NCAPD3: variants seen among roughly 807,000 people sequenced by gnomAD.
NCAPD3 encodes the protein non-SMC condensin II complex subunit D3, also known as condensin-2 complex subunit D3.
Under a neutral mutation model 182.9 loss-of-function variants are expected in NCAPD3, and 105 were observed. The ratio of observed to expected loss-of-function variants is 0.57; its 90% CI spans 0.49 to 0.68. The LOEUF is 0.68. NCAPD3 is among the 30% of genes least tolerant of loss of function. NCAPD3 has a pLI of 0.00. For synonymous variants in NCAPD3, 815 were observed against 679.9 expected (o/e 1.20, Z -3.09); for missense variants, 1,944 against 1,837.0 (o/e 1.06, Z -1.07).
At chr11:134,191,916 GTGAGCCTGCATTCTCAC>G (rs1254944082) in intron 16 of NCAPD3, among the ~76,000 whole-genome samples, 2 of 152,350 alleles carry the variant, frequency 1.3e-5, no homozygotes, top group African/African-American at 4.8e-5. Flanking sequence ...ACTGTATGCT[GTGAGCCTGCATTCTCAC>G]TGTGACCCGT....
At chr11:134,162,250 C>T (rs1437932895) in intron 27 of NCAPD3, among the ~76,000 whole-genome samples, 1 of 152,226 alleles carries the variant, frequency 6.6e-6, no homozygotes, top group African/African-American at 2.4e-5. Context: ...ATTCAACACC[C>T]TCCCCTTGGA....
intron 31 of NCAPD3, among the ~76,000 whole-genome samples, 158 bp downstream of exon 31, chr11:134,157,770 T>A (rs1416643239): frequency 1.3e-5 from 2 of 152,200 alleles, no homozygotes; most frequent in African/African-American, 4.8e-5. Context: ...CTAGAATAAA[T>A]ATGCATTGTT....
chr11:134,201,032 T>C (rs1229235656), intron 13 of NCAPD3, among the ~76,000 whole-genome samples: 1 of 151,624 alleles, frequency 6.6e-6, no homozygotes, highest in African/African-American at 2.4e-5. Flanking sequence ...GGCAATTTTT[T>C]TTTTTTTTTT....
At chr11:134,165,506 AC>A (rs1943750771) in intron 27 of NCAPD3, among the ~76,000 whole-genome samples, 1 of 129,458 alleles carries the variant, frequency 7.7e-6, no homozygotes, top group Non-Finnish European at 1.6e-5. Flanking sequence ...AGATGAGCTT[AC>A]GGGAGCAGCA....
chr11:134,158,534 T>C, intron 29 of NCAPD3, 39 bp from the exon 30 acceptor site: 1 of 1,586,700 alleles, frequency 6.3e-7, no homozygotes, highest in Admixed American at 1.7e-5. Flanking sequence ...TTCTAATACT[T>C]TTTAAGTTTT....
chr11:134,164,601 G>C (rs1943703347), intron 27 of NCAPD3, among the ~76,000 whole-genome samples: 1 of 151,984 alleles, frequency 6.6e-6, no homozygotes, highest in African/African-American at 2.4e-5. Flanking sequence ...ATGAGCTTAG[G>C]GGAGCTGCAC....
chr11:134,167,579 G>A (rs187965047), intron 27 of NCAPD3, among the ~76,000 whole-genome samples: 15 of 135,418 alleles, frequency 1.1e-4, no homozygotes, highest in Admixed American at 3.7e-4. Context: ...CTAGTGAGAT[G>A]AGCTTGGGGG....
intron 3 of NCAPD3, 73 bp from the exon 4 acceptor site, chr11:134,210,527 A>C: frequency 3.7e-6 from 5 of 1,354,302 alleles, no homozygotes; most frequent in Non-Finnish European, 5.1e-6. Flanking sequence ...ATCAGATGAA[A>C]AGTTACAAAG....
At chr11:134,219,014 C>T (rs1272444556) in intron 2 of NCAPD3, among the ~76,000 whole-genome samples, 1 of 152,214 alleles carries the variant, frequency 6.6e-6, no homozygotes, top group East Asian at 1.9e-4. Context: ...AAACCTCATA[C>T]ACACTCTACC....
At chr11:134,185,265 T>C in intron 17 of NCAPD3, 70 bp downstream of exon 17, 1 of 1,377,376 alleles carries the variant, frequency 7.3e-7, no homozygotes. Context: ...AAAAGCTCAC[T>C]TCCTTAAGTC....
At chr11:134,168,765 C>A (rs530375332) in intron 25 of NCAPD3, 152 bp downstream of exon 25, 2 of 1,348,472 alleles carry the variant, frequency 1.5e-6, no homozygotes, top group African/African-American at 1.5e-5. Flanking sequence ...GCGATTCTCA[C>A]GACTGTATTT....
chr11:134,155,738 C>A (rs1202581892), intron 32 of NCAPD3, among the ~76,000 whole-genome samples: 4 of 152,088 alleles, frequency 2.6e-5, no homozygotes, highest in Non-Finnish European at 5.9e-5. Context: ...CACTCCTGAG[C>A]CAGGAACATC....
At chr11:134,166,807 G>A (rs1236716743) in intron 27 of NCAPD3, among the ~76,000 whole-genome samples, 2 of 107,260 alleles carry the variant, frequency 1.9e-5, no homozygotes, top group Admixed American at 8.8e-5. Flanking sequence ...GGAGCTTAGG[G>A]GAGCTGCACA....
At position 134,158,444 on chromosome 11, in the gene NCAPD3, CA is replaced by C; in HGVS notation, c.3918del (p.Ala1307ProfsTer6). The part of the protein sequence containing the change: ...TVPVPAGQEN[P>X]AMSPAVSQPC... ...GGCTGGCTCACGGCAGGTGACATGG[CA>C]GGGTTTTCTTGGCCAGCAGGAACTG... On this transcript the variant is annotated frameshift_variant, in exon 30 of 35. Transcript: ENST00000534548. LOFTEE classifies it high-confidence loss of function. 6.2e-7 allele frequency: 1 copy of C among 1,614,212 alleles called. No individual in the cohort carries two copies. The highest frequency in any genetic ancestry group is 8.5e-7 in the Non-Finnish European group (1 of 1,180,044).
At chr11:134,199,320 TTTTC>T (rs1214348236) in intron 13 of NCAPD3, among the ~76,000 whole-genome samples, 1 of 152,184 alleles carries the variant, frequency 6.6e-6, no homozygotes, top group Non-Finnish European at 1.5e-5. Context: ...ATCCTTTCCC[TTTTC>T]TTTATTTATA....
intron 3 of NCAPD3, among the ~76,000 whole-genome samples, chr11:134,215,555 T>G (rs182094594): frequency 1.2e-3 from 183 of 152,230 alleles, no homozygotes; most frequent in African/African-American, 4.4e-3. Flanking sequence ...ACACTAGCAT[T>G]GAAAATAACA....
chr11:134,207,415 C>T (rs1477710357), intron 7 of NCAPD3, among the ~76,000 whole-genome samples: 1 of 151,958 alleles, frequency 6.6e-6, no homozygotes, highest in Non-Finnish European at 1.5e-5. Context: ...AGGCTAAAAA[C>T]CAACATTGCC....
chr11:134,165,654 A>C (rs535931674), intron 27 of NCAPD3, among the ~76,000 whole-genome samples: 1 of 137,752 alleles, frequency 7.3e-6, no homozygotes, highest in South Asian at 2.4e-4. Context: ...CACACTCGTG[A>C]GATGAGCTCA....
In NCAPD3 at chr11:134,153,043, C is replaced by T; in HGVS notation, c.4398G>A (p.Gln1466=). ...CLSLPDKPPP[Q]PQQWNVRSPA... is the part of the protein sequence containing the mutation. ...GAGACCGCACATTCCACTGCTGAGG[C>T]TGTGGGGGCCTAGGGAAAGGACATG... The change falls in exon 35 of 35, where the codon CAG becomes CAA. Residue 1466 remains glutamine (Q), a synonymous_variant. Coordinates refer to ENST00000534548, the MANE Select transcript of NCAPD3 (RefSeq NM_015261.3). 6.2e-7 allele frequency: 1 copy of T among 1,602,824 alleles called. No individual in the cohort carries two copies. The highest frequency in any genetic ancestry group is 8.5e-7 in the Non-Finnish European group (1 of 1,172,280).
Sources: gnomAD v4.1 joint callset for allele counts (sites outside exome capture counted in the v4.1 genomes callset) on GRCh38, gnomAD v4.1.1 for gene constraint, MANE v1.5 for transcripts, NCBI Gene and HGNC (gene_info 2026-07-23, HGNC 2026-07-21) for gene names.